The following LINGO2 variants were observed in gnomAD, a reference collection of about 807,000 sequenced individuals.
LINGO2 encodes the protein leucine rich repeat and Ig domain containing 2, also known as leucine-rich repeat and immunoglobulin-like domain-containing nogo receptor-interacting protein 2.
In LINGO2, 14 loss-of-function variants were observed where a neutral mutation model predicts 30.6. The observed-to-expected ratio is 0.46, with a 90% CI of 0.30 to 0.72. LINGO2 has a LOEUF of 0.72. Among genes scored for constraint, LINGO2 ranks in the 30% least tolerant of loss-of-function variants. The pLI, the probability that LINGO2 is intolerant of heterozygous loss-of-function variation, is 0.07. For synonymous variants in LINGO2, 317 were observed against 288.5 expected (o/e 1.10, Z -1.00); for missense variants, 729 against 751.7 (o/e 0.97, Z 0.35).
At chr9:28,243,752 G>T (rs1301890337) in intron 4 of LINGO2, among the ~76,000 whole-genome samples, 2 of 152,070 alleles carry the variant, frequency 1.3e-5, no homozygotes, top group South Asian at 4.1e-4. Context: ...ATGGTAAAGA[G>T]AACAATTCAA....
At chr9:29,205,800 T>C in the LINGO2 span, among the ~76,000 whole-genome samples, 2 of 152,220 alleles carry the variant, frequency 1.3e-5, no homozygotes, top group African/African-American at 4.8e-5. Context: ...TTTTAGTGAA[T>C]TTACAGATTT....
intron 1 of LINGO2, among the ~76,000 whole-genome samples, chr9:28,544,893 C>T (rs912761262): frequency 5.3e-5 from 8 of 151,224 alleles, no homozygotes; most frequent in African/African-American, 1.9e-4. Context: ...AAACGGTCAT[C>T]TAATCTCAAT....
At chr9:28,490,825 A>C (rs552143484) in intron 1 of LINGO2, among the ~76,000 whole-genome samples, 114 of 152,318 alleles carry the variant, frequency 7.5e-4, no homozygotes, top group Non-Finnish European at 7.8e-4. Flanking sequence ...ATTATTGTAC[A>C]TAATTTATCA....
chr9:28,497,678 C>G (rs1819695320), intron 1 of LINGO2, among the ~76,000 whole-genome samples: 1 of 152,202 alleles, frequency 6.6e-6, no homozygotes, highest in Non-Finnish European at 1.5e-5. Context: ...CATTCTCCAT[C>G]CAGCTTTGTT....
the LINGO2 span, among the ~76,000 whole-genome samples, chr9:28,746,748 C>A: frequency 1.3e-5 from 2 of 151,936 alleles, no homozygotes; most frequent in South Asian, 4.1e-4. Context: ...TAGGAACAGA[C>A]AAACAATAGC....
intron 4 of LINGO2, among the ~76,000 whole-genome samples, chr9:28,179,223 C>T (rs892639872): frequency 8.4e-6 from 1 of 119,196 alleles, no homozygotes; most frequent in East Asian, 2.8e-4. Flanking sequence ...TGTGTGGAAG[C>T]ATTTAGTTTC....
chr9:28,118,694 A>G (rs528408401), intron 4 of LINGO2, among the ~76,000 whole-genome samples: 1 of 152,240 alleles, frequency 6.6e-6, no homozygotes, highest in Non-Finnish European at 1.5e-5. Context: ...TACATTCAAT[A>G]TTACTGTAAA....
intron 2 of LINGO2, among the ~76,000 whole-genome samples, chr9:28,439,879 C>T (rs1824119729): frequency 6.6e-6 from 1 of 152,186 alleles, no homozygotes; most frequent in South Asian, 2.1e-4. Flanking sequence ...ATTCACATTG[C>T]CATCACCTTC....
chr9:28,118,273 T>C (rs1826992661), intron 4 of LINGO2, among the ~76,000 whole-genome samples: 1 of 152,142 alleles, frequency 6.6e-6, no homozygotes, highest in South Asian at 2.1e-4. Flanking sequence ...CAGGAGTGTG[T>C]GAATTGAGTA....
the LINGO2 span, among the ~76,000 whole-genome samples, chr9:29,207,043 A>G: frequency 2.6e-5 from 4 of 151,868 alleles, no homozygotes; most frequent in South Asian, 4.1e-4. Flanking sequence ...ATGTGTACAT[A>G]TATATATGTA....
At chr9:28,900,852 C>CA in the LINGO2 span, among the ~76,000 whole-genome samples, 6 of 151,916 alleles carry the variant, frequency 3.9e-5, no homozygotes, top group Admixed American at 1.3e-4. Context: ...AACCGCCTAG[C>CA]AAAAAATTGA....
chr9:28,065,770 A>T (rs1239857465), intron 4 of LINGO2, among the ~76,000 whole-genome samples: 1 of 152,082 alleles, frequency 6.6e-6, no homozygotes, highest in East Asian at 1.9e-4. Context: ...ATCTGTCTTT[A>T]TCTACATGTG....
At chr9:28,336,896 A>G (rs1337367099) in intron 3 of LINGO2, among the ~76,000 whole-genome samples, 1 of 151,974 alleles carries the variant, frequency 6.6e-6, no homozygotes, top group Non-Finnish European at 1.5e-5. Context: ...AAAAAATCAC[A>G]AAGACAATTT....
chr9:28,364,152 T>C (rs1312139051), intron 3 of LINGO2, among the ~76,000 whole-genome samples: 1 of 152,332 alleles, frequency 6.6e-6, no homozygotes, highest in South Asian at 2.1e-4. Context: ...AAGTGAGTTA[T>C]AGAATATATA....
downstream of LINGO2, chr9:27,944,134 G>A (rs1823274546): frequency 1.3e-5 from 2 of 152,156 alleles, no homozygotes; most frequent in African/African-American, 4.8e-5. Context: ...CATAAGATAA[G>A]GAAGTTCTAG....
chr9:28,763,162 AAC>A, the LINGO2 span, among the ~76,000 whole-genome samples: 2 of 152,000 alleles, frequency 1.3e-5, no homozygotes, highest in Non-Finnish European at 2.9e-5. Flanking sequence ...CAAAATTAAA[AAC>A]ACAAATCAGA....
intron 1 of LINGO2, among the ~76,000 whole-genome samples, chr9:28,538,478 A>C (rs996212251): frequency 6.6e-6 from 1 of 152,158 alleles, no homozygotes; most frequent in Non-Finnish European, 1.5e-5. Flanking sequence ...GTATAAAAAT[A>C]GAATGCATAA....
At chr9:29,184,448 G>C in the LINGO2 span, among the ~76,000 whole-genome samples, 80 of 152,090 alleles carry the variant, frequency 5.3e-4, 2 homozygotes, top group South Asian at 0.01. Flanking sequence ...TGTTCTATAG[G>C]GGGGAAGAAG....
chr9:28,286,230 G>C (rs368953146), intron 4 of LINGO2, among the ~76,000 whole-genome samples: 22 of 152,266 alleles, frequency 1.4e-4, no homozygotes, highest in African/African-American at 5.3e-4. Flanking sequence ...TGACCAACAA[G>C]AGAGAGATAT....
Sources: allele counts gnomAD v4.1 joint callset (sites outside exome capture counted in the v4.1 genomes callset), GRCh38; gene constraint gnomAD v4.1.1; transcripts MANE v1.5; gene names NCBI Gene and HGNC (gene_info 2026-07-23, HGNC 2026-07-21).